Variants in WDR49 observed in about 807,000 individuals in gnomAD.
WDR49 encodes cilia- and flagella-associated protein 337.
A neutral mutation model predicts 119.5 loss-of-function variants in WDR49; 107 were observed. The ratio of observed to expected loss-of-function variants is 0.90; its 90% CI spans 0.77 to 1.05. The LOEUF is 1.05. Ranked by LOEUF, WDR49 falls within the 50% of genes least tolerant of loss-of-function variation. The pLI, the probability that WDR49 is intolerant of heterozygous loss-of-function variation, is 0.00. For missense variants in WDR49, 1,240 were observed against 1,220.5 expected (o/e 1.02, Z -0.24); for synonymous variants, 425 against 418.8 (o/e 1.01, Z -0.18).
chr3:167,578,403 A>AT (rs1011631741), intron 7 of WDR49, among the ~76,000 whole-genome samples: 1 of 151,772 alleles, frequency 6.6e-6, no homozygotes, highest in South Asian at 2.1e-4. Flanking sequence ...CTTGTTTATG[A>AT]TTTTTTTCCA....
intron 16 of WDR49, among the ~76,000 whole-genome samples, chr3:167,512,585 A>G (rs982614861): frequency 1.3e-5 from 2 of 152,212 alleles, no homozygotes; most frequent in Admixed American, 6.5e-5. Flanking sequence ...CTCTCCAGAA[A>G]CGGCACAGAA....
chr3:167,522,009 G>GATAGATAGATAGATAGATAT (rs1553862482), intron 16 of WDR49, among the ~76,000 whole-genome samples: 17 of 144,172 alleles, frequency 1.2e-4, no homozygotes, highest in Admixed American at 5.6e-4. Flanking sequence ...TAGATAGATA[G>GATAGATAGATAGATAGATAT]ATAGATAGAT....
intron 2 of WDR49, among the ~76,000 whole-genome samples, chr3:167,631,757 C>A (rs1717387183): frequency 6.6e-6 from 1 of 151,962 alleles, no homozygotes; most frequent in African/African-American, 2.4e-5. Context: ...GAACTACTGG[C>A]AAGGTACTTC....
intron 2 of WDR49, among the ~76,000 whole-genome samples, chr3:167,639,755 A>G (rs1378589462): frequency 6.6e-6 from 1 of 151,812 alleles, no homozygotes; most frequent in Non-Finnish European, 1.5e-5. Flanking sequence ...TCTCAAACCA[A>G]AGATCCAACT....
intron 7 of WDR49, among the ~76,000 whole-genome samples, chr3:167,597,946 T>G (rs1042048117): frequency 6.6e-6 from 1 of 152,114 alleles, no homozygotes; most frequent in Non-Finnish European, 1.5e-5. Context: ...TTAGGCTTTT[T>G]GGGTTAATAT....
intron 16 of WDR49, among the ~76,000 whole-genome samples, chr3:167,515,152 T>C (rs1383110626): frequency 6.6e-6 from 1 of 152,146 alleles, no homozygotes; most frequent in Admixed American, 6.5e-5. Context: ...ATCATCCTGA[T>C]ACCAAAACCT....
At chr3:167,594,072 G>C (rs1715283129) in intron 7 of WDR49, among the ~76,000 whole-genome samples, 1 of 152,080 alleles carries the variant, frequency 6.6e-6, no homozygotes, top group Non-Finnish European at 1.5e-5. Context: ...CCAGTCTCAG[G>C]TACTTCCTTA....
At chr3:167,633,977 C>A (rs148515319) in intron 2 of WDR49, among the ~76,000 whole-genome samples, 1 of 151,832 alleles carries the variant, frequency 6.6e-6, no homozygotes, top group African/African-American at 2.4e-5. Flanking sequence ...CTGGGAATTT[C>A]GGAAATTTTA....
At chr3:167,651,293 A>G (rs1442611540) in intron 2 of WDR49, among the ~76,000 whole-genome samples, 3 of 152,320 alleles carry the variant, frequency 2.0e-5, no homozygotes, top group Non-Finnish European at 2.9e-5. Context: ...GACATTTCTA[A>G]GAGCATGTCC....
chr3:167,484,283 C>A (rs1428870749), intron 18 of WDR49, among the ~76,000 whole-genome samples: 1 of 152,006 alleles, frequency 6.6e-6, no homozygotes, highest in Non-Finnish European at 1.5e-5. Context: ...GGCCTTAACA[C>A]TGGGGCCTGT....
Position 167,604,432 on chromosome 3 carries a change from C to G in WDR49, c.995G>C (p.Ser332Thr), listed in dbSNP as rs757638691. Residue 332 changes from serine to threonine, a missense_variant, in exon 6 of 19, where the codon AGT becomes ACT. Ser to Thr is a moderately conservative substitution (Grantham distance 58). Coordinates refer to ENST00000682715, the MANE Select transcript of WDR49 (RefSeq NM_001366157.1). ...CACACTATTTGTATTGCTGGTTGTA[C>G]TGGAAATGATAGCGTCTAAAGATGC... ...YNASLDAIIS[S>T]TTSNTNSVVM... 1.2e-6 allele frequency: 2 copies of G among 1,612,704 alleles called. No homozygotes were observed. Among genetic ancestry groups the G allele is most frequent in the Admixed American group, 3.3e-5 (2 of 59,856 alleles).
At chr3:167,586,440 G>A (rs188859471) in intron 7 of WDR49, among the ~76,000 whole-genome samples, 73 of 152,246 alleles carry the variant, frequency 4.8e-4, no homozygotes, top group Non-Finnish European at 8.4e-4. Context: ...TAGCAATAGA[G>A]AAGATTTCCA....
chr3:167,604,798 T>C (rs79692367), intron 5 of WDR49, among the ~76,000 whole-genome samples: 4,287 of 152,198 alleles, frequency 0.028, 185 homozygotes, highest in East Asian at 0.17. Flanking sequence ...GCTTGTTTGC[T>C]GCTTCCACTA....
chr3:167,527,675 G>T (rs1752684515), intron 15 of WDR49, 145 bp downstream of exon 15: 3 of 798,270 alleles, frequency 3.8e-6, no homozygotes, highest in Admixed American at 2.9e-5. Context: ...GGCAAGAGTC[G>T]CCTGGAGCTA....
intron 15 of WDR49, among the ~76,000 whole-genome samples, chr3:167,525,247 C>T (rs1486499312): frequency 6.6e-6 from 1 of 152,054 alleles, no homozygotes. Context: ...GATTTTTGCA[C>T]ATTAATTTTG....
At chr3:167,569,095 C>A (rs1393201207) in intron 8 of WDR49, among the ~76,000 whole-genome samples, 5 of 152,102 alleles carry the variant, frequency 3.3e-5, no homozygotes, top group African/African-American at 9.7e-5. Flanking sequence ...GCACCCACCA[C>A]CACACCTGGC....
At chr3:167,550,087 G>A (rs1342935423) in intron 10 of WDR49, among the ~76,000 whole-genome samples, 1 of 152,048 alleles carries the variant, frequency 6.6e-6, no homozygotes, top group Non-Finnish European at 1.5e-5. Context: ...TGCTGCTTTG[G>A]TTACTGTAGC....
At chr3:167,504,868 T>C (rs1184908804) in intron 17 of WDR49, among the ~76,000 whole-genome samples, 1 of 152,104 alleles carries the variant, frequency 6.6e-6, no homozygotes, top group East Asian at 1.9e-4. Context: ...GAGATCTGGC[T>C]GTTGAAAGTG....
At chr3:167,646,361 A>T (rs763764548) in intron 2 of WDR49, among the ~76,000 whole-genome samples, 1 of 152,184 alleles carries the variant, frequency 6.6e-6, no homozygotes, top group Non-Finnish European at 1.5e-5. Flanking sequence ...GCCAAGGATC[A>T]GTTTGGCCTC....
Sources: gnomAD v4.1 joint callset for allele counts (sites outside exome capture counted in the v4.1 genomes callset) on GRCh38, gnomAD v4.1.1 for gene constraint, MANE v1.5 for transcripts, NCBI Gene and HGNC (gene_info 2026-07-23, HGNC 2026-07-21) for gene names.